ANTXR2: variants seen among roughly 807,000 people sequenced by gnomAD.
ANTXR2 encodes the protein anthrax toxin receptor 2.
Under a neutral mutation model 73.7 loss-of-function variants are expected in ANTXR2, and 44 were observed. The ratio of observed to expected loss-of-function variants is 0.60; its 90% confidence interval spans 0.47 to 0.77. ANTXR2 has a LOEUF of 0.77. Among genes scored for constraint, ANTXR2 ranks in the 30% least tolerant of loss-of-function variants. The pLI is 0.00. For missense variants in ANTXR2, 604 were observed against 592.5 expected (o/e 1.02, Z -0.20); for synonymous variants, 217 against 205.9 (o/e 1.05, Z -0.46).
intron 7 of ANTXR2, among the ~76,000 whole-genome samples, chr4:80,040,099 A>T (rs1164661622): frequency 2.0e-5 from 3 of 151,894 alleles, no homozygotes; most frequent in African/African-American, 7.3e-5. Flanking sequence ...GGAACAGTAG[A>T]CACTGAAGAC....
At chr4:79,933,507 GAAGA>G (rs1160424036) in intron 16 of ANTXR2, among the ~76,000 whole-genome samples, 2 of 152,054 alleles carry the variant, frequency 1.3e-5, no homozygotes, top group African/African-American at 2.4e-5. Flanking sequence ...CATATTGTTG[GAAGA>G]AAGATATTGG....
At chr4:80,030,689 AG>A (rs1458786309) in intron 10 of ANTXR2, among the ~76,000 whole-genome samples, 4 of 152,122 alleles carry the variant, frequency 2.6e-5, no homozygotes, top group Admixed American at 2.0e-4. Flanking sequence ...TATCCACAAA[AG>A]ATAAATGTTC....
At chr4:79,958,160 G>A (rs62298607) in intron 16 of ANTXR2, among the ~76,000 whole-genome samples, 15,915 of 151,284 alleles carry the variant, frequency 0.11, 1,945 homozygotes, top group East Asian at 0.66. Context: ...GAAGTATTTT[G>A]TATGCTGGTA....
chr4:79,982,363 C>A (rs982315950), intron 14 of ANTXR2, among the ~76,000 whole-genome samples: 1 of 152,080 alleles, frequency 6.6e-6, no homozygotes, highest in East Asian at 1.9e-4. Context: ...TTCTATCAAG[C>A]CTTTTTTCCC....
At chr4:80,000,773 C>T (rs560741364) in intron 12 of ANTXR2, among the ~76,000 whole-genome samples, 2 of 152,008 alleles carry the variant, frequency 1.3e-5, no homozygotes, top group South Asian at 4.1e-4. Flanking sequence ...ACCAGGTAAA[C>T]GTCATAGTTT....
chr4:80,056,732 TATAGA>T (rs1734015139), intron 3 of ANTXR2, among the ~76,000 whole-genome samples: 1 of 151,904 alleles, frequency 6.6e-6, no homozygotes, highest in South Asian at 2.1e-4. Flanking sequence ...AATTAAAAAC[TATAGA>T]ATAATTTCTT....
intron 11 of ANTXR2, 94 bp from the exon 12 acceptor site, chr4:80,008,710 T>C (rs1578150392): frequency 1.4e-6 from 1 of 707,976 alleles, no homozygotes; most frequent in Admixed American, 3.8e-5. Context: ...CAGAAAATAA[T>C]TCAGAAAGTA....
chr4:79,945,773 C>A (rs1394751710), intron 16 of ANTXR2, among the ~76,000 whole-genome samples: 1 of 152,082 alleles, frequency 6.6e-6, no homozygotes, highest in East Asian at 1.9e-4. Flanking sequence ...CAACTAGAAT[C>A]TAAATCAAAT....
chr4:79,921,062 A>G (rs1300619411), intron 16 of ANTXR2, among the ~76,000 whole-genome samples: 1 of 152,138 alleles, frequency 6.6e-6, no homozygotes, highest in Non-Finnish European at 1.5e-5. Context: ...CTTAGAGTGG[A>G]AGAATGCTAG....
At chr4:79,915,882 A>G (rs941623217) in intron 16 of ANTXR2, among the ~76,000 whole-genome samples, 1 of 149,928 alleles carries the variant, frequency 6.7e-6, no homozygotes, top group African/African-American at 2.4e-5. Context: ...ATATATACAT[A>G]AAGAATCTGT....
intron 7 of ANTXR2, among the ~76,000 whole-genome samples, chr4:80,043,001 C>T (rs371583015): frequency 6.6e-6 from 1 of 151,956 alleles, no homozygotes; most frequent in East Asian, 1.9e-4. Context: ...ATACACAATA[C>T]TATCTGTAAG....
intron 16 of ANTXR2, among the ~76,000 whole-genome samples, chr4:79,917,885 G>A (rs182514269): frequency 6.6e-6 from 1 of 151,920 alleles, no homozygotes; most frequent in East Asian, 1.9e-4. Context: ...CAAATCTACA[G>A]GTGGTTTAGA....
At position 79,983,882 on chromosome 4, in the gene ANTXR2, A is replaced by G. The variant is rs1292859081; in HGVS notation, c.1175T>C (p.Met392Thr). 1 of 1,610,536 alleles carries G rather than the reference A, an allele frequency of 6.2e-7. No individual in the cohort carries two copies. Among genetic ancestry groups the G allele is most frequent in the African/African-American group, 1.3e-5 (1 of 74,760 alleles). The change falls in exon 14 of 17, where the codon ATG becomes ACG. Residue 392 changes from methionine (M) to threonine (T), a missense_variant. Coordinates refer to ENST00000403729, the MANE Select transcript of ANTXR2 (RefSeq NM_058172.6). ...GGRGVGGIKR[M>T]EVRWGDKGST... ...ATTTTTTTTTAAGATACCAACCTCC[A>G]TTCTTTTAATTCCTCCAACCCCTCG...
chr4:79,917,239 C>T (rs1727391809), intron 16 of ANTXR2, among the ~76,000 whole-genome samples: 1 of 152,048 alleles, frequency 6.6e-6, no homozygotes, highest in Non-Finnish European at 1.5e-5. Flanking sequence ...GAAATATTTC[C>T]TCCTCCAAAG....
intron 7 of ANTXR2, among the ~76,000 whole-genome samples, chr4:80,040,598 T>C (rs1365190172): frequency 6.6e-6 from 1 of 152,116 alleles, no homozygotes; most frequent in African/African-American, 2.4e-5. Context: ...TTAGCTGATA[T>C]TAGAGAGAGC....
At chr4:79,955,727 C>T (rs957749758) in intron 16 of ANTXR2, among the ~76,000 whole-genome samples, 5 of 151,920 alleles carry the variant, frequency 3.3e-5, no homozygotes, top group African/African-American at 7.3e-5. Flanking sequence ...ATGAGAAGAC[C>T]GAAGACCAGA....
rs149723514 is a variant in ANTXR2 at position 79,908,671 on chromosome 4, A to G, written c.1429-1204T>C. Among the ~76,000 whole-genome samples, 319 of 152,312 alleles carry G rather than the reference A, an allele frequency of 2.1e-3. 2 individuals carry two copies. Among genetic ancestry groups the G allele is most frequent in the African/African-American group, 7.5e-3 (311 of 41,584 alleles). On this transcript the variant is annotated intron_variant, in intron 16 of 16. Coordinates refer to ENST00000403729, the MANE Select transcript of ANTXR2 (RefSeq NM_058172.6). ...CTACAATTGCCAATTTTTATTACTT[A>G]CTTTGTGTTAATGTCTACAAATCAT...
At chr4:79,979,150 A>C (rs1729774601) in intron 14 of ANTXR2, among the ~76,000 whole-genome samples, 1 of 152,206 alleles carries the variant, frequency 6.6e-6, no homozygotes, top group Non-Finnish European at 1.5e-5. Context: ...CAATAGACAG[A>C]AATTAAGAGC....
At chr4:79,988,916 A>C (rs536905554) in intron 12 of ANTXR2, among the ~76,000 whole-genome samples, 31 of 152,294 alleles carry the variant, frequency 2.0e-4, no homozygotes, top group African/African-American at 7.0e-4. Context: ...GAGTGAAATT[A>C]AGGCAGAAAT....
Sources: gnomAD v4.1 joint callset for allele counts (sites outside exome capture counted in the v4.1 genomes callset) on GRCh38, gnomAD v4.1.1 for gene constraint, MANE v1.5 for transcripts, NCBI Gene and HGNC (gene_info 2026-07-23, HGNC 2026-07-21) for gene names.